The following NID1 variants were observed in gnomAD, a reference collection of about 807,000 sequenced individuals.
The protein encoded by NID1 is nidogen-1.
A neutral mutation model predicts 130.6 loss-of-function variants in NID1; 76 were observed. That is an observed-to-expected ratio of 0.58 (90% CI 0.48 to 0.70). The LOEUF is 0.70. NID1 is among the 30% of genes least tolerant of loss of function. The probability of loss-of-function intolerance (pLI) is 0.00; values close to 1 mark genes in which losing one functional copy is unlikely to be tolerated. For missense variants in NID1, 1,517 were observed against 1,664.8 expected (o/e 0.91, Z 1.54); for synonymous variants, 665 against 675.1 (o/e 0.98, Z 0.23).
chr1:236,011,032 C>A (rs1658393723), intron 12 of NID1, among the ~76,000 whole-genome samples: 9 of 146,912 alleles, frequency 6.1e-5, no homozygotes, highest in Admixed American at 6.1e-4. Context: ...TGGAAACATA[C>A]AAAAAAAAAA....
chr1:236,055,102 A>G (rs1051900272), intron 1 of NID1, among the ~76,000 whole-genome samples: 17 of 152,102 alleles, frequency 1.1e-4, no homozygotes, highest in African/African-American at 4.1e-4. Flanking sequence ...CAGGAGATCG[A>G]GACCATCCTG....
intron 12 of NID1, among the ~76,000 whole-genome samples, chr1:236,006,301 G>T (rs1658246390): frequency 1.3e-5 from 2 of 152,130 alleles, no homozygotes; most frequent in Middle Eastern, 6.8e-3. Context: ...GAAATTAATG[G>T]GTCTAGGCAG....
chr1:236,003,466 G>A (rs1049631784), intron 12 of NID1, among the ~76,000 whole-genome samples: 8 of 152,172 alleles, frequency 5.3e-5, no homozygotes, highest in African/African-American at 1.9e-4. Flanking sequence ...CAGCAGTGAC[G>A]TGCACCAGCC....
At chr1:236,003,215 G>A (rs9726922) in intron 12 of NID1, among the ~76,000 whole-genome samples, 4,889 of 72,622 alleles carry the variant, frequency 0.067, 935 homozygotes, top group Non-Finnish European at 0.081. Context: ...GTGAACGACC[G>A]GTAGTTATTC....
chr1:236,047,511 C>T (rs537500823), intron 2 of NID1, among the ~76,000 whole-genome samples: 4 of 152,226 alleles, frequency 2.6e-5, no homozygotes, highest in East Asian at 3.9e-4. Flanking sequence ...AGGGCAAGTC[C>T]GTGCTCTACA....
chr1:235,992,601 G>T (rs1657789218), intron 13 of NID1, among the ~76,000 whole-genome samples: 1 of 152,032 alleles, frequency 6.6e-6, no homozygotes. Context: ...GTCGCTGTCT[G>T]CTTCTCCTAA....
chr1:236,005,330 T>C (rs1294495899), intron 12 of NID1, among the ~76,000 whole-genome samples: 1 of 152,106 alleles, frequency 6.6e-6, no homozygotes, highest in Non-Finnish European at 1.5e-5. Flanking sequence ...GCTGAAAGCA[T>C]ATTTACTGGC....
intron 9 of NID1, among the ~76,000 whole-genome samples, chr1:236,023,458 A>G (rs1658824981): frequency 6.6e-6 from 1 of 152,220 alleles, no homozygotes; most frequent in African/African-American, 2.4e-5. Flanking sequence ...GACTGAAGGA[A>G]GGGGGAAATG....
intron 10 of NID1, among the ~76,000 whole-genome samples, chr1:236,016,486 G>T (rs75204974): frequency 0.02 from 3,082 of 152,274 alleles, 92 homozygotes; most frequent in African/African-American, 0.068. Flanking sequence ...CCAGACCTGG[G>T]AACAAGAATC....
chr1:236,057,741 G>C (rs1337833571), intron 1 of NID1, among the ~76,000 whole-genome samples: 2 of 150,308 alleles, frequency 1.3e-5, no homozygotes, highest in Non-Finnish European at 3.0e-5. Flanking sequence ...GAAAAAGAGA[G>C]AGAGAGAAAG....
chr1:236,064,805 G>C, intron 1 of NID1, 50 bp downstream of exon 1: 1 of 1,545,460 alleles, frequency 6.5e-7, no homozygotes, highest in Non-Finnish European at 8.8e-7. Context: ...GGGCGCCCCC[G>C]GCCCGCCGCG....
At chr1:236,022,926 A>G (rs559642089) in intron 9 of NID1, among the ~76,000 whole-genome samples, 1 of 151,828 alleles carries the variant, frequency 6.6e-6, no homozygotes, top group East Asian at 2.0e-4. Context: ...GCCTGGCATG[A>G]TGGCAAGCAC....
chr1:236,020,937 A>G (rs1355813118), intron 9 of NID1, among the ~76,000 whole-genome samples: 1 of 152,238 alleles, frequency 6.6e-6, no homozygotes, highest in Admixed American at 6.5e-5. Flanking sequence ...TGCAGATTAC[A>G]TAAAGGATGG....
chr1:236,003,597 C>T (rs978983771), intron 12 of NID1, among the ~76,000 whole-genome samples: 6 of 152,112 alleles, frequency 3.9e-5, no homozygotes, highest in Admixed American at 2.0e-4. Context: ...AGGCCAGGCA[C>T]GATGGCTCAC....
intron 12 of NID1, among the ~76,000 whole-genome samples, chr1:236,002,779 C>T (rs894581125): frequency 2.6e-5 from 4 of 152,112 alleles, no homozygotes; most frequent in African/African-American, 9.7e-5. Flanking sequence ...GATTTGGAAA[C>T]GAGGCCATGT....
In NID1 at chr1:236,042,167, T is replaced by A; in HGVS notation, c.878A>T (p.Asp293Val). ...TEDGAEYDDE[D>V]EDYDLATTRL... is the part of the protein sequence containing the mutation. ...AGTGGTCGCCAGGTCATAATCTTCATCCTCATCATCATACTCTGCCCCATC... is the reference window on the plus strand; with the variant it reads ...AGTGGTCGCCAGGTCATAATCTTCAACCTCATCATCATACTCTGCCCCATC... Residue 293 changes from aspartate to valine, a missense_variant, in exon 4 of 20, where the codon GAT becomes GTT. Around this residue, in one of 3 missense-constraint regions of NID1, gnomAD observed 1,329 missense variants for 1,429.2 expected, o/e 0.93. Coordinates refer to ENST00000264187, the MANE Select transcript of NID1 (RefSeq NM_002508.3). 1 of 1,614,002 alleles carries A rather than the reference T, an allele frequency of 6.2e-7. No homozygotes were observed. Among genetic ancestry groups the A allele is most frequent in the Non-Finnish European group, 8.5e-7 (1 of 1,180,000 alleles).
intron 9 of NID1, among the ~76,000 whole-genome samples, chr1:236,022,340 A>G (rs1444823142): frequency 2.2e-5 from 3 of 137,250 alleles, no homozygotes; most frequent in African/African-American, 8.2e-5. Context: ...GATGGCCCCT[A>G]TTTTTTTTTT....
chr1:236,056,330 C>G (rs548173438), intron 1 of NID1, among the ~76,000 whole-genome samples: 8 of 152,128 alleles, frequency 5.3e-5, no homozygotes. Flanking sequence ...TGAAGACCCA[C>G]TTTATTATTT....
intron 10 of NID1, among the ~76,000 whole-genome samples, chr1:236,014,790 C>T (rs932798489): frequency 6.6e-6 from 1 of 152,212 alleles, no homozygotes; most frequent in African/African-American, 2.4e-5. Context: ...GTTCACCACA[C>T]TCCATATGCC....
Sources: gnomAD v4.1 joint callset for allele counts (sites outside exome capture counted in the v4.1 genomes callset) on GRCh38, gnomAD v4.1.1 for gene constraint, gnomAD v4.1.1 regional missense constraint, MANE v1.5 for transcripts, NCBI Gene and HGNC (gene_info 2026-07-23, HGNC 2026-07-21) for gene names.